The following DPP10 variants were observed in gnomAD, a reference collection of about 807,000 sequenced individuals.
DPP10 encodes the protein inactive dipeptidyl peptidase 10.
Under a neutral mutation model 120.9 loss-of-function variants are expected in DPP10, and 33 were observed. The ratio of observed to expected loss-of-function variants is 0.27; its 90% CI spans 0.21 to 0.37. The LOEUF (loss-of-function observed/expected upper bound fraction) is 0.37. Ranked by LOEUF, DPP10 falls within the 10% of genes least tolerant of loss-of-function variation. DPP10 has a pLI of 1.00. For synonymous variants in DPP10, 337 were observed against 326.1 expected, an observed-to-expected ratio of 1.03 and a Z score of -0.36; for missense variants, 816 against 942.8, an observed-to-expected ratio of 0.87 and a Z score of 1.76.
chr2:114,512,263 G>A (rs146366360), intron 1 of DPP10, among the ~76,000 whole-genome samples: 103 of 152,136 alleles, frequency 6.8e-4, no homozygotes, highest in African/African-American at 2.3e-3. Flanking sequence ...TTATTTTAAG[G>A]GTCTTTTCCA....
At chr2:115,820,421 AT>A (rs577009474) in intron 21 of DPP10, among the ~76,000 whole-genome samples, 18 of 146,928 alleles carry the variant, frequency 1.2e-4, no homozygotes, top group African/African-American at 2.8e-4. Context: ...TAGTGAATTG[AT>A]TTTTTTTTCT....
chr2:115,589,486 A>G (rs745438911), intron 5 of DPP10, among the ~76,000 whole-genome samples: 6 of 151,932 alleles, frequency 3.9e-5, no homozygotes, highest in Non-Finnish European at 8.8e-5. Flanking sequence ...GTGCCTTCCT[A>G]CTTTCCGTCA....
chr2:115,799,216 T>A (rs932705059), intron 19 of DPP10, among the ~76,000 whole-genome samples: 3 of 152,036 alleles, frequency 2.0e-5, no homozygotes, highest in African/African-American at 4.8e-5. Flanking sequence ...ACTGACATAA[T>A]CTCCCTGTTT....
intron 11 of DPP10, among the ~76,000 whole-genome samples, chr2:115,760,699 C>T (rs968731423): frequency 2.6e-5 from 4 of 152,182 alleles, no homozygotes; most frequent in Non-Finnish European, 5.9e-5. Context: ...CTAGAAAATT[C>T]ATCTCTTTCT....
At chr2:115,768,927 T>G (rs1026396300) in intron 13 of DPP10, among the ~76,000 whole-genome samples, 1 of 151,892 alleles carries the variant, frequency 6.6e-6, no homozygotes. Context: ...AGATTTCATG[T>G]TGTAAAATAT....
intron 1 of DPP10, among the ~76,000 whole-genome samples, chr2:114,819,454 TC>T (rs1685909684): frequency 6.6e-6 from 1 of 152,118 alleles, no homozygotes. Context: ...GTCTATGTTA[TC>T]CCCGGAAATA....
At chr2:115,688,034 A>AAGAGAGAGAGAGAGAGAGAGAAAGAGAG (rs1553480194) in intron 5 of DPP10, among the ~76,000 whole-genome samples, 6 of 150,200 alleles carry the variant, frequency 4.0e-5, no homozygotes, top group African/African-American at 1.5e-4. Flanking sequence ...GAGAGAGAAA[A>AAGAGAGAGAGAGAGAGAGAGAAAGAGAG]AGAGAGAGAG....
chr2:115,828,110 A>T (rs908953558), intron 21 of DPP10, among the ~76,000 whole-genome samples: 3 of 151,996 alleles, frequency 2.0e-5, no homozygotes, highest in Middle Eastern at 3.4e-3. Flanking sequence ...ATGTGTCTTT[A>T]TTGCACTTTA....
intron 3 of DPP10, among the ~76,000 whole-genome samples, chr2:115,422,685 T>G (rs1246920649): frequency 1.3e-5 from 2 of 152,178 alleles, no homozygotes; most frequent in African/African-American, 2.4e-5. Context: ...AAAGTTGAAT[T>G]GAGAACAAAG....
intron 24 of DPP10, among the ~76,000 whole-genome samples, chr2:115,840,311 GTTTTTTGGTTTTT>G (rs1303891292): frequency 9.0e-5 from 3 of 33,242 alleles, no homozygotes; most frequent in Admixed American, 5.4e-4. Context: ...CAGATATAAG[GTTTTTTGGTTTTT>G]TTTTTTTTTT....
chr2:114,970,152 G>T (rs1699300194), intron 1 of DPP10, among the ~76,000 whole-genome samples: 3 of 152,086 alleles, frequency 2.0e-5, no homozygotes, highest in African/African-American at 7.2e-5. Context: ...TTAGCCTGGA[G>T]CATGCACAAG....
At chr2:115,633,691 CT>C (rs1008450808) in intron 5 of DPP10, among the ~76,000 whole-genome samples, 5 of 152,074 alleles carry the variant, frequency 3.3e-5, no homozygotes, top group African/African-American at 1.2e-4. Context: ...GTGACCTGAC[CT>C]TTTTCTCTGG....
chr2:115,157,889 T>C (rs1169096575), intron 1 of DPP10, among the ~76,000 whole-genome samples: 1 of 152,266 alleles, frequency 6.6e-6, no homozygotes, highest in East Asian at 1.9e-4. Flanking sequence ...ATCAAGGTGG[T>C]CTTTACATGA....
chr2:114,645,174 C>T (rs1696024278), intron 1 of DPP10, among the ~76,000 whole-genome samples: 1 of 152,178 alleles, frequency 6.6e-6, no homozygotes, highest in African/African-American at 2.4e-5. Context: ...GTACAGGATT[C>T]ATTCCTTCCA....
chr2:115,603,080 T>G (rs971360235), intron 5 of DPP10, among the ~76,000 whole-genome samples: 2 of 152,046 alleles, frequency 1.3e-5, no homozygotes, highest in Admixed American at 6.6e-5. Context: ...CTCTTTATCC[T>G]TGTCAACATG....
intron 1 of DPP10, among the ~76,000 whole-genome samples, chr2:114,988,913 C>T (rs914597349): frequency 2.6e-5 from 4 of 151,016 alleles, no homozygotes; most frequent in East Asian, 1.9e-4. Context: ...ATGGTGAATT[C>T]GAATGCAAAG....
intron 19 of DPP10, among the ~76,000 whole-genome samples, chr2:115,803,575 G>A (rs892828037): frequency 7.9e-5 from 12 of 152,280 alleles, no homozygotes; most frequent in African/African-American, 2.9e-4. Context: ...GGTACCGGTT[G>A]TTCCTTTCCA....
chr2:115,790,128 G>A (rs112682124), intron 17 of DPP10, among the ~76,000 whole-genome samples: 6 of 148,666 alleles, frequency 4.0e-5, no homozygotes, highest in East Asian at 2.0e-4. Context: ...GCCGGACTGC[G>A]GACTGCAGTG....
intron 2 of DPP10, among the ~76,000 whole-genome samples, chr2:115,315,263 G>GCA (rs144116972): frequency 2.3e-4 from 35 of 149,048 alleles, no homozygotes; most frequent in Middle Eastern, 3.6e-3. Context: ...ACACACACAT[G>GCA]CACACACACA....
Sources: allele counts gnomAD v4.1 joint callset (sites outside exome capture counted in the v4.1 genomes callset), GRCh38; gene constraint gnomAD v4.1.1; transcripts MANE v1.5; gene names NCBI Gene and HGNC (gene_info 2026-07-23, HGNC 2026-07-21).